ATP6V0E1: variants seen among roughly 807,000 people sequenced by gnomAD.
ATP6V0E1 encodes V-type proton ATPase subunit e 1.
A neutral mutation model predicts 11.6 loss-of-function variants in ATP6V0E1; 4 were observed. That is an observed-to-expected ratio of 0.35 (90% confidence interval 0.17 to 0.79). The LOEUF (loss-of-function observed/expected upper bound fraction) is 0.79, where lower values mean the gene tolerates loss of function less well. ATP6V0E1 is among the 30% of genes least tolerant of loss of function. ATP6V0E1 has a pLI of 0.54. For synonymous variants in ATP6V0E1, 36 were observed against 34.8 expected, an observed-to-expected ratio of 1.04 and a Z score of -0.13; for missense variants, 105 against 100.0, an observed-to-expected ratio of 1.05 and a Z score of -0.21.
chr5:173,033,792 C>T (rs564225775), intron 3 of ATP6V0E1, among the ~76,000 whole-genome samples: 3 of 151,782 alleles, frequency 2.0e-5, no homozygotes, highest in East Asian at 1.9e-4. Context: ...TGCAGTGAGC[C>T]GAGATCACGC....
chr5:172,997,812 CA>C (rs772648443), intron 2 of ATP6V0E1, among the ~76,000 whole-genome samples: 3,710 of 92,442 alleles, frequency 0.04, 138 homozygotes, highest in African/African-American at 0.12. Flanking sequence ...GACTCCGTCT[CA>C]AAAAAAAAAA....
intron 2 of ATP6V0E1, among the ~76,000 whole-genome samples, chr5:173,001,346 A>T (rs565130176): frequency 2.0e-5 from 3 of 152,034 alleles, no homozygotes; most frequent in South Asian, 4.2e-4. Flanking sequence ...CCATCCACTC[A>T]TTTCCACAAA....
chr5:173,003,836 C>T (rs912473249), intron 2 of ATP6V0E1, among the ~76,000 whole-genome samples: 7 of 152,122 alleles, frequency 4.6e-5, no homozygotes, highest in African/African-American at 1.4e-4. Flanking sequence ...AGTTGTCAAA[C>T]AGGAACTTAG....
intron 3 of ATP6V0E1, among the ~76,000 whole-genome samples, chr5:173,026,546 C>T (rs765563394): frequency 2.6e-5 from 4 of 152,116 alleles, no homozygotes; most frequent in Admixed American, 6.5e-5. Flanking sequence ...CACACATACA[C>T]ACTGCTGTTA....
intron 1 of ATP6V0E1, among the ~76,000 whole-genome samples, chr5:172,993,291 T>C (rs1756012344): frequency 6.6e-6 from 1 of 152,090 alleles, no homozygotes; most frequent in Non-Finnish European, 1.5e-5. Context: ...GGTGGATTAC[T>C]TGAGGCCAGG....
At chr5:173,032,249 T>TTTA (rs1756672388) in intron 3 of ATP6V0E1, among the ~76,000 whole-genome samples, 1 of 132,256 alleles carries the variant, frequency 7.6e-6, no homozygotes. Context: ...TTTTATTTTA[T>TTTA]TTTATTTATT....
At chr5:173,031,822 CAAA>C (rs34167312) in intron 3 of ATP6V0E1, among the ~76,000 whole-genome samples, 8 of 119,444 alleles carry the variant, frequency 6.7e-5, no homozygotes, top group Non-Finnish European at 5.7e-5. Context: ...GACTCTGCCT[CAAA>C]AAAAAAAAAA....
intron 2 of ATP6V0E1, among the ~76,000 whole-genome samples, chr5:173,003,222 AATAGGT>A (rs1306310083): frequency 6.6e-6 from 1 of 151,880 alleles, no homozygotes; most frequent in East Asian, 2.0e-4. Context: ...GTCATAACTG[AATAGGT>A]ATTTGTGGCA....
intron 3 of ATP6V0E1, among the ~76,000 whole-genome samples, chr5:173,032,407 G>A (rs1489646223): frequency 6.6e-6 from 1 of 151,622 alleles, no homozygotes; most frequent in East Asian, 1.9e-4. Flanking sequence ...CCTTGCCTTA[G>A]CCTCCCAGGT....
chr5:173,033,471 C>T (rs1756696465), intron 3 of ATP6V0E1, among the ~76,000 whole-genome samples: 1 of 152,168 alleles, frequency 6.6e-6, no homozygotes, highest in African/African-American at 2.4e-5. Flanking sequence ...TATTATGAGG[C>T]TTTCACACTA....
chr5:173,019,294 G>A (rs1022122488), intron 2 of ATP6V0E1, among the ~76,000 whole-genome samples: 4 of 152,198 alleles, frequency 2.6e-5, no homozygotes, highest in African/African-American at 9.6e-5. Flanking sequence ...GGTGGCTCAC[G>A]TCTGTAATCC....
chr5:172,991,763 A>G lies in ATP6V0E1; in HGVS notation c.105-3012A>G, dbSNP rs191783105. On this transcript the variant is annotated intron_variant, in intron 1 of 3. Coordinates refer to ENST00000519374, the MANE Select transcript of ATP6V0E1 (RefSeq NM_003945.4). ...TGTAATGTATAAATTATGTATTTCA[A>G]GGAACTGACCAACTCTTACTACCTG... 2.8e-4 allele frequency among the ~76,000 whole-genome samples: 43 copies of G among 152,316 alleles called. No homozygotes were observed. In the East Asian group the frequency reaches 7.9e-3, roughly 28 times the overall value.
intron 2 of ATP6V0E1, among the ~76,000 whole-genome samples, chr5:173,012,681 G>T (rs1203072874): frequency 1.3e-5 from 2 of 151,684 alleles, no homozygotes; most frequent in African/African-American, 4.8e-5. Flanking sequence ...TTGAACCTGG[G>T]AGATGAAGGT....
At chr5:173,001,034 C>T (rs1206297936) in intron 2 of ATP6V0E1, among the ~76,000 whole-genome samples, 1 of 152,164 alleles carries the variant, frequency 6.6e-6, no homozygotes, top group Non-Finnish European at 1.5e-5. Flanking sequence ...TATTTTAATT[C>T]AAAGGACTGT....
At chr5:173,031,518 A>G (rs905675668) in intron 3 of ATP6V0E1, among the ~76,000 whole-genome samples, 2 of 149,730 alleles carry the variant, frequency 1.3e-5, no homozygotes, top group African/African-American at 4.9e-5. Flanking sequence ...ATCAAAGATG[A>G]TAAGAATACA....
At chr5:172,987,431 C>T (rs1271049734) in intron 1 of ATP6V0E1, among the ~76,000 whole-genome samples, 2 of 151,636 alleles carry the variant, frequency 1.3e-5, no homozygotes, top group Admixed American at 6.6e-5. Context: ...TTACAGGTGC[C>T]CACCACCATG....
intron 3 of ATP6V0E1, among the ~76,000 whole-genome samples, chr5:173,027,986 GGA>G (rs1210467267): frequency 1.3e-5 from 2 of 152,082 alleles, no homozygotes; most frequent in African/African-American, 4.8e-5. Flanking sequence ...CTGGGTGGGT[GGA>G]TCTGAAGACA....
At chr5:172,996,259 A>G (rs1485445437) in intron 2 of ATP6V0E1, among the ~76,000 whole-genome samples, 1 of 152,214 alleles carries the variant, frequency 6.6e-6, no homozygotes, top group African/African-American at 2.4e-5. Flanking sequence ...AGCAAAGTCC[A>G]GTATTAAAGT....
At chr5:173,010,126 C>T (rs563027751) in intron 2 of ATP6V0E1, among the ~76,000 whole-genome samples, 60 of 152,234 alleles carry the variant, frequency 3.9e-4, no homozygotes, top group Non-Finnish European at 8.1e-4. Context: ...AGTGACTATT[C>T]TGTCAGATTC....
Sources: allele counts gnomAD v4.1 joint callset (sites outside exome capture counted in the v4.1 genomes callset), GRCh38; gene constraint gnomAD v4.1.1; transcripts MANE v1.5; gene names NCBI Gene and HGNC (gene_info 2026-07-23, HGNC 2026-07-21).